The following CAMSAP1 variants were observed in gnomAD, a reference collection of about 807,000 sequenced individuals.
CAMSAP1 encodes the protein calmodulin regulated spectrin associated protein 1.
CAMSAP1 carries 58 observed loss-of-function variants against 143.5 expected under a neutral mutation model. That is an observed-to-expected ratio of 0.40 (90% CI 0.33 to 0.50). CAMSAP1 has a LOEUF of 0.50. Ranked by LOEUF, CAMSAP1 falls within the 20% of genes least tolerant of loss-of-function variation. CAMSAP1 has a pLI of 0.45. For missense variants in CAMSAP1, 1,969 were observed against 2,115.7 expected, an observed-to-expected ratio of 0.93 and a Z score of 1.36; for synonymous variants, 945 against 859.3, an observed-to-expected ratio of 1.10 and a Z score of -1.74.
In CAMSAP1 at chr9:135,827,588, C is replaced by T; in HGVS notation, c.1046-4G>A. 2 of 1,554,824 alleles carry T rather than the reference C, an allele frequency of 1.3e-6. No homozygotes were observed. Among genetic ancestry groups the T allele is most frequent in the Non-Finnish European group, 1.8e-6 (2 of 1,140,922 alleles). On this transcript the variant is annotated splice_polypyrimidine_tract_variant and splice_region_variant and intron_variant, in intron 7 of 16. Transcript: ENST00000389532. ...TTCTGGTGTAACACTGTTTTCGCTG[C>T]AGAAATAGCGTTTTTGCATCGTTAC...
intron 7 of CAMSAP1, chr9:135,836,072 C>T (rs1836022003): frequency 1.0e-6 from 1 of 975,308 alleles, no homozygotes; most frequent in Non-Finnish European, 1.2e-6. Context: ...TCTTATCCGA[C>T]CAGGGGCAGA....
chr9:135,864,152 C>G (rs561629526), intron 4 of CAMSAP1, among the ~76,000 whole-genome samples: 3 of 152,160 alleles, frequency 2.0e-5, no homozygotes, highest in African/African-American at 7.2e-5. Flanking sequence ...AATAAAAAAG[C>G]ATTAAGGGAC....
intron 5 of CAMSAP1, among the ~76,000 whole-genome samples, chr9:135,861,534 A>T (rs1588482402): frequency 6.6e-6 from 1 of 151,832 alleles, no homozygotes; most frequent in Non-Finnish European, 1.5e-5. Flanking sequence ...CTAACTCCTA[A>T]CCTCAGGTGA....
chr9:135,858,939 T>G (rs1448487527), intron 5 of CAMSAP1, among the ~76,000 whole-genome samples: 1 of 152,170 alleles, frequency 6.6e-6, no homozygotes, highest in East Asian at 1.9e-4. Context: ...CTGCCCACAT[T>G]GAAGGCAGGT....
intron 8 of CAMSAP1, among the ~76,000 whole-genome samples, chr9:135,825,612 C>G (rs563589798): frequency 6.6e-6 from 1 of 152,338 alleles, no homozygotes; most frequent in Admixed American, 6.5e-5. Flanking sequence ...AGAGCAACAC[C>G]CATGAGACCG....
intron 5 of CAMSAP1, among the ~76,000 whole-genome samples, chr9:135,851,369 C>T (rs1425245112): frequency 6.6e-6 from 1 of 152,186 alleles, no homozygotes; most frequent in Non-Finnish European, 1.5e-5. Flanking sequence ...AACTGCCCTC[C>T]ACAGTCACCT....
intron 16 of CAMSAP1, among the ~76,000 whole-genome samples, chr9:135,812,744 G>C (rs931720407): frequency 6.6e-6 from 1 of 152,158 alleles, no homozygotes; most frequent in Non-Finnish European, 1.5e-5. Flanking sequence ...TGAGGTGGGC[G>C]AATCACTTGA....
intron 14 of CAMSAP1, 98 bp downstream of exon 14, chr9:135,817,879 T>C (rs1042144486): frequency 1.1e-6 from 1 of 899,776 alleles, no homozygotes; most frequent in African/African-American, 1.7e-5. Context: ...AAAATTAAAG[T>C]TACAAAAGCC....
intron 1 of CAMSAP1, among the ~76,000 whole-genome samples, chr9:135,895,025 G>A (rs951885200): frequency 6.6e-6 from 1 of 152,162 alleles, no homozygotes; most frequent in Non-Finnish European, 1.5e-5. Context: ...CATTGACCTT[G>A]AGGTCAGATC....
intron 1 of CAMSAP1, among the ~76,000 whole-genome samples, chr9:135,900,277 C>A (rs1308594467): frequency 3.9e-5 from 6 of 152,154 alleles, no homozygotes; most frequent in African/African-American, 1.4e-4. Flanking sequence ...TCGACCTCAG[C>A]CTCCCAAAGT....
intron 1 of CAMSAP1, among the ~76,000 whole-genome samples, chr9:135,904,402 C>CAA (rs34983397): frequency 0.026 from 2,212 of 83,928 alleles, 76 homozygotes; most frequent in African/African-American, 0.07. Flanking sequence ...CTGTCCTCCA[C>CAA]AAAAAAAAAA....
In CAMSAP1 at chr9:135,900,567, C is replaced by T. The variant is rs549552061; in HGVS notation, c.160+6433G>A. On this transcript the variant is annotated intron_variant, in intron 1 of 16. Coordinates refer to ENST00000389532, the MANE Select transcript of CAMSAP1 (RefSeq NM_015447.4). ...AAAATTAGCCGGGCGTTGTGGCAAGCGCCTGTAGTCCCAGCTACTCAGGAG... is the reference window on the plus strand; with the variant it reads ...AAAATTAGCCGGGCGTTGTGGCAAGTGCCTGTAGTCCCAGCTACTCAGGAG... 2.5e-4 allele frequency among the ~76,000 whole-genome samples: 38 copies of T among 151,554 alleles called. No individual in the cohort carries two copies. The South Asian group carries it at 7.1e-3, about 28-fold the overall frequency.
intron 3 of CAMSAP1, 54 bp from the exon 4 acceptor site, chr9:135,866,590 A>C: frequency 1.2e-6 from 1 of 831,330 alleles, no homozygotes; most frequent in Non-Finnish European, 2.0e-6. Flanking sequence ...GCACAATTGT[A>C]TCTCCACAAT....
At chr9:135,851,875 G>T (rs1021312316) in intron 5 of CAMSAP1, among the ~76,000 whole-genome samples, 1 of 152,184 alleles carries the variant, frequency 6.6e-6, no homozygotes, top group East Asian at 1.9e-4. Flanking sequence ...GACGGGTGTT[G>T]CCCAGGCATA....
At position 135,821,280 on chromosome 9, in the gene CAMSAP1, T is replaced by C. The variant is rs775853044; in HGVS notation, c.3381A>G (p.Val1127=). The C allele has an allele frequency of 4.3e-6, 7 of 1,610,922 alleles. No individual in the cohort carries two copies. The South Asian group carries it at 7.7e-5, about 18-fold the overall frequency. ...AGGGTCTCAAGTGCGGGAGCGTCTC[T>C]ACACTGGGCGTTGGGGTTTTACTTC... ...SSRSKTPTPS[V]ETLPHLRPFP... Residue 1127 remains valine, a synonymous_variant, in exon 11 of 17, where the codon GTA becomes GTG. Coordinates refer to ENST00000389532, the MANE Select transcript of CAMSAP1 (RefSeq NM_015447.4). This position sits in a 1 kb window ranked among gnomAD's most constrained non-coding sequence, Gnocchi z 4.6.
intron 1 of CAMSAP1, among the ~76,000 whole-genome samples, chr9:135,901,465 G>A (rs1324374421): frequency 6.6e-6 from 1 of 152,038 alleles, no homozygotes; most frequent in Non-Finnish European, 1.5e-5. Flanking sequence ...AACCGGACCA[G>A]GAGGTGCAGG....
chr9:135,906,947 C>G (rs1838802256), intron 1 of CAMSAP1, 53 bp downstream of exon 1: 25 of 959,228 alleles, frequency 2.6e-5, no homozygotes, highest in Admixed American at 6.0e-5. Flanking sequence ...GCCGCGTCCC[C>G]CGGCCCCGGC....
chr9:135,817,310 T>C (rs940655814), intron 14 of CAMSAP1, among the ~76,000 whole-genome samples: 1 of 152,104 alleles, frequency 6.6e-6, no homozygotes, highest in Non-Finnish European at 1.5e-5. Flanking sequence ...GAGAAAACAT[T>C]CTCGTTCTAG....
rs1282458323 is a variant in CAMSAP1 at position 135,809,548 on chromosome 9, G to A, written c.*1761C>T. 1 of 152,550 alleles carries A rather than the reference G, an allele frequency of 6.6e-6. No individual in the cohort carries two copies. The highest frequency in any genetic ancestry group is 1.5e-5 in the Non-Finnish European group (1 of 68,048). The allele number at this position is 152,550 out of a possible 1,614,324, so 9.4% of individuals were successfully genotyped here. A position where few individuals can be genotyped will look rare whatever the true frequency, so the allele number is the denominator to read the frequency against. ...GTTGGTGTCGCCTGGTCAGCGAAAT[G>A]AGCCACAGCAACCTCACACATACGA... On this transcript the variant is annotated 3_prime_UTR_variant, in exon 17 of 17. Transcript: ENST00000389532.
Sources: gnomAD v4.1 joint callset for allele counts (sites outside exome capture counted in the v4.1 genomes callset) on GRCh38, gnomAD v4.1.1 for gene constraint, Gnocchi (gnomAD v3.1) non-coding constraint, MANE v1.5 for transcripts, NCBI Gene and HGNC (gene_info 2026-07-23, HGNC 2026-07-21) for gene names.